Variants in CASP2 observed in about 807,000 individuals in gnomAD.
CASP2 encodes the protein caspase 2, also known as caspase-2.
Under a neutral mutation model 54.4 loss-of-function variants are expected in CASP2, and 38 were observed. The ratio of observed to expected loss-of-function variants is 0.70; its 90% confidence interval spans 0.54 to 0.92. CASP2 has a LOEUF of 0.92. Among genes scored for constraint, CASP2 ranks in the 40% least tolerant of loss-of-function variants. The pLI is 0.00. For synonymous variants in CASP2, 215 were observed against 216.3 expected (o/e 0.99, Z 0.05); for missense variants, 512 against 579.6 (o/e 0.88, Z 1.20).
In CASP2 at chr7:143,304,953, T is replaced by A. The variant is rs768353289; in HGVS notation, c.1241T>A (p.Ile414Asn). 6.2e-7 allele frequency: 1 copy of A among 1,614,186 alleles called. No homozygotes were observed. ...CTGCCCCTCCAGGTGAACGCACTTATCAAGGATCGGGAAGGTTATGCTCCT... is the reference window on the plus strand; with the variant it reads ...CTGCCCCTCCAGGTGAACGCACTTAACAAGGATCGGGAAGGTTATGCTCCT... ...ADMLVKVNALIKDREGYAPGT... is the reference protein window; with the variant it reads ...ADMLVKVNALNKDREGYAPGT... The change falls in exon 11 of 11, where the codon ATC becomes AAC. Residue 414 changes from isoleucine (I) to asparagine (N), a missense_variant. Ile to Asn is a moderately radical substitution (Grantham distance 149). Coordinates refer to ENST00000310447, the MANE Select transcript of CASP2 (RefSeq NM_032982.4).
rs759330152 is a variant in CASP2, at chr7:143,305,535, G to T, written c.*464G>T. 30 of 281,724 alleles carry T rather than the reference G, an allele frequency of 1.1e-4. No individual in the cohort carries two copies. Among genetic ancestry groups the T allele is most frequent in the Non-Finnish European group, 2.0e-4 (29 of 143,472 alleles). The allele number at this position is 281,724 out of a possible 1,614,324, so 17.5% of individuals were successfully genotyped here. ...TTGTCCTAGAGTGAGAGTTTGGAAG[G>T]TGTCCAAATTTAATGTAGACATTAT... On this transcript the variant is annotated 3_prime_UTR_variant, in exon 11 of 11. Coordinates refer to ENST00000310447, the MANE Select transcript of CASP2 (RefSeq NM_032982.4).
chr7:143,292,651 C>A lies in CASP2; in HGVS notation c.428C>A (p.Pro143Gln), dbSNP rs748806751. ...SCDYDLSLPF[P>Q]VCESCPLYKK... ...GACTACGACTTGAGTCTCCCTTTTCCGGTGTGTGAGTCCTGTCCCCTTTAC... is the reference window on the plus strand; with the variant it reads ...GACTACGACTTGAGTCTCCCTTTTCAGGTGTGTGAGTCCTGTCCCCTTTAC... Residue 143 changes from proline (P) to glutamine (Q), a missense_variant, in exon 4 of 11, where the codon CCG (proline) becomes CAG (glutamine). Pro to Gln is a moderately conservative substitution (Grantham distance 76). Coordinates refer to ENST00000310447, the MANE Select transcript of CASP2 (RefSeq NM_032982.4). 2 of 1,613,454 alleles carry A rather than the reference C, an allele frequency of 1.2e-6. No individual in the cohort carries two copies. The highest frequency in any genetic ancestry group is 1.7e-6 in the Non-Finnish European group (2 of 1,180,006).
At chr7:143,304,541 A>G in intron 9 of CASP2, 133 bp from the exon 10 acceptor site, 1 of 760,126 alleles carries the variant, frequency 1.3e-6, no homozygotes. Context: ...CCAAAAGAGT[A>G]CCCTCCTAGA....
rs779276159 is a variant in CASP2 at position 143,294,728 on chromosome 7, G to A, written c.702G>A (p.Lys234=). The A allele has an allele frequency of 3.1e-6, 5 of 1,614,174 alleles. No homozygotes were observed. Among genetic ancestry groups the A allele is most frequent in the Admixed American group, 1.7e-5 (1 of 60,018 alleles). Residue 234 remains lysine (K), a synonymous_variant, in exon 6 of 11, where the codon AAG becomes AAA. Coordinates refer to ENST00000310447, the MANE Select transcript of CASP2 (RefSeq NM_032982.4). ...VDHSTLVTLF[K]LLGYDVHVLC... ...ACAGTACTCTAGTCACCCTCTTCAA[G>A]CTTTTGGGCTATGACGTCCATGTTC...
At chr7:143,292,238 G>A in intron 2 of CASP2, 62 bp from the exon 3 acceptor site, 2 of 1,552,476 alleles carry the variant, frequency 1.3e-6, no homozygotes, top group Admixed American at 1.7e-5. Flanking sequence ...AAGCTCATGT[G>A]GAGAAATAGA....
At chr7:143,300,169 CT>C in intron 7 of CASP2, 34 bp from the exon 8 acceptor site, 3 of 1,613,038 alleles carry the variant, frequency 1.9e-6, no homozygotes, top group Non-Finnish European at 2.5e-6. Flanking sequence ...CCGCTGAATG[CT>C]TAACCTCTCT....
intron 6 of CASP2, among the ~76,000 whole-genome samples, chr7:143,297,793 T>G (rs773058901): frequency 6.6e-6 from 1 of 152,266 alleles, no homozygotes; most frequent in Non-Finnish European, 1.5e-5. Flanking sequence ...CTATTAAATG[T>G]TAAATTCTAT....
chr7:143,296,305 T>G (rs1355275377), intron 6 of CASP2, among the ~76,000 whole-genome samples: 1 of 152,208 alleles, frequency 6.6e-6, no homozygotes, highest in Non-Finnish European at 1.5e-5. Context: ...AAGCACCTTA[T>G]AATGGGGGAC....
chr7:143,294,823 CTT>C (rs766448068), intron 6 of CASP2, 50 bp downstream of exon 6: 7 of 1,495,834 alleles, frequency 4.7e-6, no homozygotes, highest in Non-Finnish European at 6.5e-6. Context: ...CTGAACAACA[CTT>C]TGGGACCAGA....
chr7:143,302,204 T>C lies in CASP2; in HGVS notation c.968-1580T>C, dbSNP rs369807614. On this transcript the variant is annotated intron_variant, in intron 8 of 10. Coordinates refer to ENST00000310447, the MANE Select transcript of CASP2 (RefSeq NM_032982.4). ...TGAGAGAGGAATTCTCCTTTCTCTT[T>C]AGCTTGGCCTGTTTCCTTTAGGCGT... 2.6e-5 allele frequency: 4 copies of C among 152,364 alleles called. No homozygotes were observed. In the East Asian group the frequency reaches 7.7e-4, roughly 29 times the overall value. The allele number at this position is 152,364 out of a possible 1,614,324, so 9.4% of individuals were successfully genotyped here.
intron 8 of CASP2, chr7:143,301,237 A>G (rs1455665288): frequency 6.6e-6 from 1 of 152,170 alleles, no homozygotes; most frequent in Non-Finnish European, 1.5e-5. Flanking sequence ...GTTTGCTTTA[A>G]AGGTCACTTT....
Position 143,306,144 on chromosome 7 carries a change from G to A in CASP2, c.*1073G>A, listed in dbSNP as rs1802054788. 6.7e-6 allele frequency: 1 copy of A among 149,632 alleles called. No homozygotes were observed. The highest frequency in any genetic ancestry group is 1.5e-5 in the Non-Finnish European group (1 of 67,664). The allele number at this position is 149,632 out of a possible 1,614,324, so 9.3% of individuals were successfully genotyped here. ...CTCTTTCAGTATTAAACTCTCCTTT[G>A]ATATTATGTGGCTTTTATTTCAGTG... On this transcript the variant is annotated 3_prime_UTR_variant, in exon 11 of 11. Coordinates refer to ENST00000310447, the MANE Select transcript of CASP2 (RefSeq NM_032982.4).
Position 143,306,387 on chromosome 7 carries a change from G to GCTGGGACTACA in CASP2, c.*1317_*1327dup, listed in dbSNP as rs2116813941. The GCTGGGACTACA allele has an allele frequency of 6.7e-6, 1 of 149,346 alleles. No individual in the cohort carries two copies. Among genetic ancestry groups the GCTGGGACTACA allele is most frequent in the South Asian group, 2.1e-4 (1 of 4,762 alleles). The allele number at this position is 149,346 out of a possible 1,614,324, so 9.3% of individuals were successfully genotyped here. A position where few individuals can be genotyped will look rare whatever the true frequency, so the allele number is the denominator to read the frequency against. ...TTCTCCTGCCTCAGCCTTCCAAGTAGCTGGGACTACAGGTGCCCGCCACCG... is the reference window on the plus strand; with the variant it reads ...TTCTCCTGCCTCAGCCTTCCAAGTAGCTGGGACTACACTGGGACTACAGGTGCCCGCCACCG... On this transcript the variant is annotated 3_prime_UTR_variant, in exon 11 of 11. Transcript: ENST00000310447.
chr7:143,291,780 C>CATTTTTTTTTTT, intron 2 of CASP2, 90 bp downstream of exon 2: 1 of 422,922 alleles, frequency 2.4e-6, no homozygotes, highest in Non-Finnish European at 3.9e-6. Context: ...ATCTTTCTTC[C>CATTTTTTTTTTT]TTTTTTTTTT....
chr7:143,293,735 T>C (rs536200771), intron 4 of CASP2, among the ~76,000 whole-genome samples: 31 of 151,538 alleles, frequency 2.0e-4, no homozygotes, highest in Non-Finnish European at 4.0e-4. Flanking sequence ...GTGATCTGCC[T>C]GCCTCGGCCT....
intron 6 of CASP2, among the ~76,000 whole-genome samples, chr7:143,297,512 T>C (rs1180530195): frequency 6.6e-6 from 1 of 152,210 alleles, no homozygotes; most frequent in East Asian, 1.9e-4. Flanking sequence ...AATGGCGCGA[T>C]CTGGGCTCAT....
chr7:143,300,414 C>T (rs779757480), intron 8 of CASP2, 120 bp downstream of exon 8: 2 of 1,598,336 alleles, frequency 1.3e-6, no homozygotes, highest in Non-Finnish European at 1.7e-6. Context: ...TCCTTCTGTT[C>T]ACTGCTGCCA....
chr7:143,297,559 G>T (rs536309674), intron 6 of CASP2, among the ~76,000 whole-genome samples: 9 of 152,296 alleles, frequency 5.9e-5, no homozygotes, highest in African/African-American at 2.2e-4. Context: ...CAATTCTCCT[G>T]TCTCAGCCTC....
In CASP2 at chr7:143,305,459, G is replaced by A; in HGVS notation, c.*388G>A. On this transcript the variant is annotated 3_prime_UTR_variant, in exon 11 of 11. Coordinates refer to ENST00000310447, the MANE Select transcript of CASP2 (RefSeq NM_032982.4). ...TTGCTTTTATTACATTAGTTAAGAT[G>A]TCTGAGAGACCATCTCCTATCTTTT... 1 of 330,308 alleles carries A rather than the reference G, an allele frequency of 3.0e-6. No individual in the cohort carries two copies. The allele number at this position is 330,308 out of a possible 1,614,324, so 20.5% of individuals were successfully genotyped here.
Sources: gnomAD v4.1 joint callset for allele counts (sites outside exome capture counted in the v4.1 genomes callset) on GRCh38, gnomAD v4.1.1 for gene constraint, MANE v1.5 for transcripts, NCBI Gene and HGNC (gene_info 2026-07-23, HGNC 2026-07-21) for gene names.